STARD9: variants seen among roughly 807,000 people sequenced by gnomAD.
STARD9 encodes the protein StAR related lipid transfer domain containing 9, also known as stAR-related lipid transfer protein 9.
STARD9 carries 346 observed loss-of-function variants against 399.8 expected under a neutral mutation model. That is an observed-to-expected ratio of 0.87 (90% CI 0.79 to 0.95). STARD9 has a LOEUF of 0.95. Among genes scored for constraint, STARD9 ranks in the 40% least tolerant of loss-of-function variants. STARD9 has a pLI of 0.00. For synonymous variants in STARD9, 2,203 were observed against 2,143.5 expected (o/e 1.03, Z -0.77); for missense variants, 5,832 against 5,667.5 (o/e 1.03, Z -0.93).
In STARD9 at chr15:42,689,022, G is replaced by T. The variant is rs776581998; in HGVS notation, c.7444G>T (p.Val2482Phe). Residue 2482 changes from valine (V) to phenylalanine (F), a missense_variant, in exon 23 of 33, where the codon GTC (valine) becomes TTC (phenylalanine). This residue lies in a region of STARD9 where 5,828 missense variants were observed against 5,651.1 expected (regional missense o/e 1.03). Transcript: ENST00000290607. ...AATAAGAGTCAGTTCACTGAACAAG[G>T]TCTCTAGCCAGCCTGAAAAGAGGGT... ...KEIRVSSLNK[V>F]SSQPEKRVSF... is the part of the protein sequence containing the mutation. 31 of 1,537,220 alleles carry T rather than the reference G, an allele frequency of 2.0e-5. No homozygotes were observed. The highest frequency in any genetic ancestry group is 1.7e-4 in the Middle Eastern group (1 of 6,012).
intron 3 of STARD9, among the ~76,000 whole-genome samples, chr15:42,625,854 A>G (rs752848462): frequency 6.6e-6 from 1 of 152,104 alleles, no homozygotes; most frequent in Non-Finnish European, 1.5e-5. Flanking sequence ...TTATAAAAGA[A>G]AAAGAATGAC....
In STARD9 at chr15:42,717,865, C is replaced by A; in HGVS notation, c.13559+70C>A. The A allele has an allele frequency of 4.0e-6, 6 of 1,507,656 alleles. No individual in the cohort carries two copies. In the South Asian group the frequency reaches 7.2e-5, roughly 18 times the overall value. 93.4% of individuals were successfully genotyped at this position (1,507,656 alleles called of 1,614,324 possible). ...CTTGTCACCCTGCTTGGCTTCTCTCCTCCTTTCCCTTACCTGGATTCCTCA... is the reference window on the plus strand; with the variant it reads ...CTTGTCACCCTGCTTGGCTTCTCTCATCCTTTCCCTTACCTGGATTCCTCA... On this transcript the variant is annotated intron_variant, in intron 29 of 32. Coordinates refer to ENST00000290607, the MANE Select transcript of STARD9 (RefSeq NM_020759.3).
At chr15:42,641,404 T>G (rs2059533709) in intron 7 of STARD9, among the ~76,000 whole-genome samples, 1 of 152,150 alleles carries the variant, frequency 6.6e-6, no homozygotes, top group African/African-American at 2.4e-5. Flanking sequence ...CTAGGGTACA[T>G]GTGCACAATG....
intron 1 of STARD9, among the ~76,000 whole-genome samples, chr15:42,578,382 A>G (rs1013958081): frequency 3.3e-5 from 5 of 152,134 alleles, no homozygotes; most frequent in Non-Finnish European, 5.9e-5. Context: ...GATTATAGGC[A>G]TGAGCCACCA....
chr15:42,709,994 T>C (rs1327702811), intron 26 of STARD9, among the ~76,000 whole-genome samples: 1 of 152,150 alleles, frequency 6.6e-6, no homozygotes, highest in Non-Finnish European at 1.5e-5. Context: ...GTTCAACTTG[T>C]TCCAGCTTTA....
intron 26 of STARD9, among the ~76,000 whole-genome samples, chr15:42,712,913 G>T (rs1304106443): frequency 6.6e-6 from 1 of 152,168 alleles, no homozygotes; most frequent in African/African-American, 2.4e-5. Context: ...TCTTTTTCAA[G>T]ATTACTTTGA....
chr15:42,615,014 T>TTG (rs910906817), intron 3 of STARD9, among the ~76,000 whole-genome samples: 7 of 2,360 alleles, frequency 3.0e-3, no homozygotes, highest in Non-Finnish European at 6.4e-3. Context: ...TAGTCAAGGA[T>TTG]TTTTTTTTTT....
chr15:42,693,887 C>T lies in STARD9; in HGVS notation c.12309C>T (p.Ala4103=). Residue 4103 remains alanine (A), a synonymous_variant, in exon 23 of 33, where the codon GCC becomes GCT. Coordinates refer to ENST00000290607, the MANE Select transcript of STARD9 (RefSeq NM_020759.3). The part of the protein sequence containing the change: ...LTDTAGLRGS[A]LGLPQACQPE... ...ATACTGCAGGGCTCCGAGGTTCTGC[C>T]TTGGGCCTCCCTCAGGCCTGCCAAC... 6.5e-7 allele frequency: 1 copy of T among 1,531,592 alleles called. No individual in the cohort carries two copies. The highest frequency in any genetic ancestry group is 8.7e-7 in the Non-Finnish European group (1 of 1,143,124). 94.9% of individuals were successfully genotyped at this position (1,531,592 alleles called of 1,614,324 possible).
At chr15:42,626,628 G>A (rs550195031) in intron 3 of STARD9, among the ~76,000 whole-genome samples, 29 of 151,288 alleles carry the variant, frequency 1.9e-4, no homozygotes, top group African/African-American at 6.8e-4. Context: ...AGCCTCCTGA[G>A]TAGCTGGGAT....
In STARD9 at chr15:42,689,468, G is replaced by A. The variant is rs890954897; in HGVS notation, c.7890G>A (p.Leu2630=). ...CTGCTGAAGCAGGGCAGATAGATCT[G>A]TTACCTGATGAGAGGAAAGTCCAGG... ...SLSAEAGQID[L]LPDERKVQAT... The change falls in exon 23 of 33, where the codon CTG becomes CTA. Residue 2630 remains leucine (L), a synonymous_variant. Coordinates refer to ENST00000290607, the MANE Select transcript of STARD9 (RefSeq NM_020759.3). 2.1e-5 allele frequency: 32 copies of A among 1,537,336 alleles called. No homozygotes were observed. Among genetic ancestry groups the A allele is most frequent in the Non-Finnish European group, 2.8e-5 (32 of 1,146,934 alleles).
chr15:42,600,680 C>T (rs1478999737), intron 3 of STARD9, among the ~76,000 whole-genome samples: 2 of 151,788 alleles, frequency 1.3e-5, no homozygotes, highest in Non-Finnish European at 2.9e-5. Context: ...CATGCACCAC[C>T]ATGCCCAGCT....
chr15:42,601,597 G>C lies in STARD9; in HGVS notation c.234+15960G>C, dbSNP rs1362216845. ...GGGGCTGCCCCCCCACCTCCCGGAC[G>C]GGGCGGCTGGCCGGGTGGGGGCTGC... On this transcript the variant is annotated intron_variant, in intron 3 of 32. Transcript: ENST00000290607. 2.7e-5 allele frequency among the ~76,000 whole-genome samples: 4 copies of C among 150,682 alleles called. No homozygotes were observed. The South Asian group carries it at 8.3e-4, about 31-fold the overall frequency.
Position 42,686,925 on chromosome 15 carries a change from G to C in STARD9, c.5347G>C (p.Gly1783Arg). ...ACCCCCCAGGGAAGCCTGGGGCTTTGGTCACAACCACCAAGCTCTCCAAGG... is the reference window on the plus strand; with the variant it reads ...ACCCCCCAGGGAAGCCTGGGGCTTTCGTCACAACCACCAAGCTCTCCAAGG... ...SPPPREAWGF[G>R]HNHQALQGAY... The change falls in exon 23 of 33, where the codon GGT becomes CGT. Residue 1783 changes from glycine to arginine, a missense_variant. This residue lies in a region of STARD9 where 5,828 missense variants were observed against 5,651.1 expected (regional missense o/e 1.03). Coordinates refer to ENST00000290607, the MANE Select transcript of STARD9 (RefSeq NM_020759.3). The C allele has an allele frequency of 6.5e-7, 1 of 1,536,664 alleles. No homozygotes were observed. The highest frequency in any genetic ancestry group is 1.2e-5 in the South Asian group (1 of 83,996).
At chr15:42,626,949 A>G (rs1292641323) in intron 3 of STARD9, among the ~76,000 whole-genome samples, 1 of 151,442 alleles carries the variant, frequency 6.6e-6, no homozygotes, top group Non-Finnish European at 1.5e-5. Context: ...CTCCGCGGCT[A>G]AAGCGATCCT....
chr15:42,658,841 G>A (rs1396592849), intron 9 of STARD9, among the ~76,000 whole-genome samples: 3 of 152,078 alleles, frequency 2.0e-5, no homozygotes, highest in Non-Finnish European at 2.9e-5. Flanking sequence ...GGCCAGGTGT[G>A]GTGGTTCATG....
chr15:42,717,843 G>T (rs1320031105), intron 29 of STARD9, 48 bp downstream of exon 29: 1 of 1,525,658 alleles, frequency 6.6e-7, no homozygotes, highest in Admixed American at 2.0e-5. Flanking sequence ...TGGTAAGCTT[G>T]TCACCCTGCT....
intron 3 of STARD9, among the ~76,000 whole-genome samples, chr15:42,607,145 A>G (rs532387773): frequency 3.5e-4 from 49 of 139,890 alleles, no homozygotes; most frequent in Admixed American, 6.1e-4. Context: ...CAACCCTGTA[A>G]CCATTGTGCT....
At chr15:42,705,574 A>T (rs2061058560) in intron 26 of STARD9, among the ~76,000 whole-genome samples, 1 of 151,596 alleles carries the variant, frequency 6.6e-6, no homozygotes, top group African/African-American at 2.4e-5. Flanking sequence ...ACCTGGGACT[A>T]CAGGCATGCA....
rs1595785007 is a variant in STARD9, at chr15:42,691,560, G to C, written c.9982G>C (p.Val3328Leu). 5 of 1,537,282 alleles carry C rather than the reference G, an allele frequency of 3.3e-6. No homozygotes were observed. The highest frequency in any genetic ancestry group is 4.4e-6 in the Non-Finnish European group (5 of 1,146,914). Residue 3328 changes from valine to leucine, a missense_variant, in exon 23 of 33, where the codon GTT (valine) becomes CTT (leucine). Physicochemically the swap from Val to Leu is conservative, Grantham distance 32. Transcript: ENST00000290607. Reference sequence around the variant, plus strand: ...GTCCTCCCCCACACCACAGTTCTCAGTTGTCGGCTCTTCTCGTTCTCTTCA... The same window carrying C: ...GTCCTCCCCCACACCACAGTTCTCACTTGTCGGCTCTTCTCGTTCTCTTCA... ...SRSSPTPQFSVVGSSRSLQEL... is the reference protein window; with the variant it reads ...SRSSPTPQFSLVGSSRSLQEL...
Sources: allele counts gnomAD v4.1 joint callset (sites outside exome capture counted in the v4.1 genomes callset), GRCh38; gene constraint gnomAD v4.1.1; regional missense constraint gnomAD v4.1.1; transcripts MANE v1.5; gene names NCBI Gene and HGNC (gene_info 2026-07-23, HGNC 2026-07-21).